The following RNPS1 variants were observed in gnomAD, a reference collection of about 807,000 sequenced individuals.
RNPS1 encodes the protein RNA binding protein with serine rich domain 1.
For missense variants in RNPS1, 300 were observed against 427.6 expected, an observed-to-expected ratio of 0.70 and a Z score of 2.63; for synonymous variants, 147 against 150.0, an observed-to-expected ratio of 0.98 and a Z score of 0.15.
Position 2,268,125 on chromosome 16 carries a change from T to A in RNPS1, c.-188A>T. The stretch of plus-strand genomic sequence containing the variant: ...GGCCGGCGCCGCTCTGACGTCAGAG[T>A]CAAGGAGCGGGAAGTCGCCGCCGCC... On this transcript the variant is annotated 5_prime_UTR_variant, in exon 1 of 8. Transcript: ENST00000320225. The A allele has an allele frequency of 6.5e-7, 1 of 1,531,278 alleles. No individual in the cohort carries two copies. The highest frequency in any genetic ancestry group is 8.7e-7 in the Non-Finnish European group (1 of 1,143,830). 94.9% of individuals were successfully genotyped at this position (1,531,278 alleles called of 1,614,324 possible).
At chr16:2,257,578 G>A (rs2141549699) in intron 6 of RNPS1, 1 of 152,268 alleles carries the variant, frequency 6.6e-6, no homozygotes, top group South Asian at 2.1e-4. Flanking sequence ...TGGAATGTCT[G>A]TAATCACGCC....
chr16:2,262,062 C>T (rs1273887719), intron 6 of RNPS1: 9 of 475,482 alleles, frequency 1.9e-5, no homozygotes, highest in African/African-American at 5.9e-5. Flanking sequence ...ATAAAAACTC[C>T]ACCTACTCAG....
chr16:2,264,795 G>T, intron 1 of RNPS1, 35 bp from the exon 2 acceptor site: 1 of 1,441,052 alleles, frequency 6.9e-7, no homozygotes, highest in African/African-American at 1.4e-5. Flanking sequence ...AAGAGTGAAC[G>T]AATTGGCAAG....
intron 6 of RNPS1, chr16:2,256,850 T>G (rs1321833985): frequency 6.6e-6 from 1 of 152,212 alleles, no homozygotes; most frequent in African/African-American, 2.4e-5. Context: ...GAGAGGGGCC[T>G]GAATCAACAT....
chr16:2,258,077 C>G (rs2093586555), intron 6 of RNPS1: 1 of 152,168 alleles, frequency 6.6e-6, no homozygotes, highest in African/African-American at 2.4e-5. Context: ...CTGCCAGATA[C>G]AAATAGCTAT....
At chr16:2,259,281 A>G (rs988781737) in intron 6 of RNPS1, among the ~76,000 whole-genome samples, 9 of 152,212 alleles carry the variant, frequency 5.9e-5, no homozygotes, top group Non-Finnish European at 1.3e-4. Context: ...AATGTTATTG[A>G]TATGTGTCCC....
chr16:2,264,619 T>C lies in RNPS1; in HGVS notation c.25A>G (p.Lys9Glu). 6.2e-7 allele frequency: 1 copy of C among 1,613,216 alleles called. No homozygotes were observed. Among genetic ancestry groups the C allele is most frequent in the Non-Finnish European group, 8.5e-7 (1 of 1,179,856 alleles). Residue 9 changes from lysine (K) to glutamate (E), a missense_variant, in exon 2 of 8, where the codon AAG becomes GAG. Transcript: ENST00000320225. ...TTTTCTTTGACTCCTAGCAAGCTCT[T>C]CTTTTTCACTCCTGATAAATCCATT... is the stretch of plus-strand genomic sequence containing the variant. Reference protein sequence around the residue: MDLSGVKKKSLLGVKENNK... With the variant: MDLSGVKKESLLGVKENNK...
At chr16:2,264,542 T>G (rs745935374) in intron 2 of RNPS1, 31 bp downstream of exon 2, 4 of 1,604,248 alleles carry the variant, frequency 2.5e-6, no homozygotes, top group South Asian at 2.2e-5. Flanking sequence ...CACCCCCAAG[T>G]AGCACTAGAA....
At chr16:2,261,670 AC>A (rs2093603577) in intron 6 of RNPS1, among the ~76,000 whole-genome samples, 3 of 152,250 alleles carry the variant, frequency 2.0e-5, no homozygotes, top group Admixed American at 2.0e-4. Context: ...AGAAAAGCCC[AC>A]CAAAAGTTTA....
rs1436458854 is a variant in RNPS1 at position 2,264,801 on chromosome 16, G to T, written c.-117-41C>A. On this transcript the variant is annotated intron_variant, in intron 1 of 7. Transcript: ENST00000320225. The stretch of plus-strand genomic sequence containing the variant: ...AAGGGTTTAAAGAGTGAACGAATTG[G>T]CAAGGCAACAAGTCTACTTTGCAGT... 4 of 1,431,248 alleles carry T rather than the reference G, an allele frequency of 2.8e-6. No individual in the cohort carries two copies. The African/African-American group carries it at 4.3e-5, about 15-fold the overall frequency. 88.7% of individuals were successfully genotyped at this position (1,431,248 alleles called of 1,614,324 possible). A position where few individuals can be genotyped will look rare whatever the true frequency, so the allele number is the denominator to read the frequency against.
At chr16:2,267,692 G>A (rs1388033423) in intron 1 of RNPS1, 5 of 1,172,328 alleles carry the variant, frequency 4.3e-6, no homozygotes, top group East Asian at 4.6e-5. Context: ...CGGGCCGCGA[G>A]CGCTTCCAGG....
rs879144350 is a variant in RNPS1, at chr16:2,263,390, G to A, written c.228-103C>T. 4.6e-5 allele frequency: 55 copies of A among 1,193,856 alleles called. No homozygotes were observed. The East Asian group carries it at 9.2e-4, about 20-fold the overall frequency. The allele number at this position is 1,193,856 out of a possible 1,614,324, so 74.0% of individuals were successfully genotyped here. On this transcript the variant is annotated intron_variant, in intron 3 of 7. Coordinates refer to ENST00000320225, the MANE Select transcript of RNPS1 (RefSeq NM_080594.4). ...TCCCCCCAGGAGAAACCTGCTGTTC[G>A]GGTGCCTCCAGGCCTCACTGCTTTC...
At chr16:2,267,953 G>T in intron 1 of RNPS1, 102 bp downstream of exon 1, 1 of 1,530,210 alleles carries the variant, frequency 6.5e-7, no homozygotes, top group Non-Finnish European at 8.7e-7. Flanking sequence ...GGCCACCGCC[G>T]CACTGCGGGG....
chr16:2,254,106 A>AG (rs1440245426), intron 7 of RNPS1, 43 bp from the exon 8 acceptor site: 7 of 1,351,720 alleles, frequency 5.2e-6, no homozygotes, highest in Non-Finnish European at 5.9e-6. Context: ...CTCAGGCTGT[A>AG]GGGGCAAGCT....
At chr16:2,255,528 C>T in intron 7 of RNPS1, 57 bp downstream of exon 7, 1 of 1,524,592 alleles carries the variant, frequency 6.6e-7, no homozygotes, top group South Asian at 1.3e-5. Flanking sequence ...CTGAAAGTCA[C>T]TGCGGTCACA....
intron 1 of RNPS1, chr16:2,265,192 C>A (rs2093620220): frequency 6.6e-6 from 1 of 152,376 alleles, no homozygotes; most frequent in African/African-American, 2.4e-5. Flanking sequence ...TTAGGATACA[C>A]TGGATGTGAC....
Position 2,255,859 on chromosome 16 carries a change from G to A in RNPS1, c.677-133C>T, listed in dbSNP as rs569082500. 94 of 989,800 alleles carry A rather than the reference G, an allele frequency of 9.5e-5. No homozygotes were observed. In the East Asian group the frequency reaches 2.2e-3, roughly 24 times the overall value. 61.3% of individuals were successfully genotyped at this position (989,800 alleles called of 1,614,324 possible). On this transcript the variant is annotated intron_variant, in intron 6 of 7. Coordinates refer to ENST00000320225, the MANE Select transcript of RNPS1 (RefSeq NM_080594.4). ...TCACAGAAACAGGGCCGGGCATGGT[G>A]GCTCACTCCTGTAATCCCAGCACTT...
At chr16:2,262,229 G>A (rs762437779) in intron 6 of RNPS1, 49 bp downstream of exon 6, 34 of 1,569,052 alleles carry the variant, frequency 2.2e-5, no homozygotes, top group South Asian at 4.5e-5. Flanking sequence ...AAAGCCCCTC[G>A]CGGCGGCGGG....
chr16:2,255,567 A>C lies in RNPS1; in HGVS notation c.818+18T>G, dbSNP rs1342256401. 1 of 1,558,918 alleles carries C rather than the reference A, an allele frequency of 6.4e-7. No homozygotes were observed. Among genetic ancestry groups the C allele is most frequent in the Non-Finnish European group, 8.6e-7 (1 of 1,156,510 alleles). ...GGTTTGTGGCCTGATCAGTCCACTGAAACTACAAATTGTTTACCTTCTCCT... is the reference window on the plus strand; with the variant it reads ...GGTTTGTGGCCTGATCAGTCCACTGCAACTACAAATTGTTTACCTTCTCCT... On this transcript the variant is annotated intron_variant, in intron 7 of 7. Transcript: ENST00000320225.
Sources: gnomAD v4.1 joint callset for allele counts (sites outside exome capture counted in the v4.1 genomes callset) on GRCh38, gnomAD v4.1.1 for gene constraint, MANE v1.5 for transcripts, NCBI Gene and HGNC (gene_info 2026-07-23, HGNC 2026-07-21) for gene names.